Variants in PLPP4 observed in about 807,000 individuals in gnomAD.
The protein encoded by PLPP4 is diacylglycerol pyrophosphate like 2.
Under a neutral mutation model 32.2 loss-of-function variants are expected in PLPP4, and 20 were observed. The observed-to-expected ratio is 0.62, with a 90% CI of 0.44 to 0.90. The LOEUF (loss-of-function observed/expected upper bound fraction) is 0.90, where lower values mean the gene tolerates loss of function less well. PLPP4 is among the 40% of genes least tolerant of loss of function. The probability of loss-of-function intolerance (pLI) is 0.00; values close to 1 mark genes in which losing one functional copy is unlikely to be tolerated. For synonymous variants in PLPP4, 127 were observed against 133.0 expected (o/e 0.95, Z 0.31); for missense variants, 257 against 353.1 (o/e 0.73, Z 2.18).
chr10:120,457,639 C>A (rs1847851854), intron 1 of PLPP4, among the ~76,000 whole-genome samples: 1 of 152,194 alleles, frequency 6.6e-6, no homozygotes, highest in Admixed American at 6.5e-5. Context: ...CCCGCACCAC[C>A]TGCCCGGGGG....
chr10:120,486,764 C>G (rs575424392), intron 1 of PLPP4, among the ~76,000 whole-genome samples: 5 of 152,344 alleles, frequency 3.3e-5, no homozygotes, highest in Admixed American at 2.6e-4. Flanking sequence ...AGGCACAAGT[C>G]CTCTCTTGGG....
chr10:120,533,266 A>G (rs1487802757), intron 5 of PLPP4, among the ~76,000 whole-genome samples: 3 of 152,160 alleles, frequency 2.0e-5, no homozygotes, highest in Admixed American at 2.0e-4. Flanking sequence ...CTAATGACTA[A>G]TGAGGTTGAA....
chr10:120,486,256 A>C (rs906400149), intron 1 of PLPP4, among the ~76,000 whole-genome samples: 5 of 149,028 alleles, frequency 3.4e-5, no homozygotes, highest in African/African-American at 1.2e-4. Context: ...CTCCCATTTC[A>C]TTTAAGTTTT....
At chr10:120,505,328 G>A (rs1360601147) in intron 2 of PLPP4, among the ~76,000 whole-genome samples, 3 of 152,292 alleles carry the variant, frequency 2.0e-5, no homozygotes, top group Middle Eastern at 3.4e-3. Flanking sequence ...GAGAATTGGA[G>A]GATTACCATC....
chr10:120,532,215 T>G (rs2133939323), intron 5 of PLPP4, among the ~76,000 whole-genome samples: 1 of 152,274 alleles, frequency 6.6e-6, no homozygotes, highest in Middle Eastern at 3.4e-3. Flanking sequence ...TCCAGCTTCA[T>G]CCATGTCCCT....
At chr10:120,523,674 T>G (rs894244218) in intron 5 of PLPP4, among the ~76,000 whole-genome samples, 1 of 152,164 alleles carries the variant, frequency 6.6e-6, no homozygotes, top group Non-Finnish European at 1.5e-5. Context: ...CTTTCATTCC[T>G]CCCTTCTCCC....
intron 2 of PLPP4, among the ~76,000 whole-genome samples, chr10:120,506,294 A>G (rs1845487720): frequency 6.6e-6 from 1 of 152,228 alleles, no homozygotes; most frequent in Non-Finnish European, 1.5e-5. Context: ...CAGTAGATAC[A>G]TTTATAATAC....
intron 2 of PLPP4, among the ~76,000 whole-genome samples, chr10:120,509,775 G>T (rs759092449): frequency 1.3e-5 from 2 of 152,220 alleles, no homozygotes; most frequent in Non-Finnish European, 2.9e-5. Context: ...TCCATAACAC[G>T]TAGTAGGTGC....
intron 5 of PLPP4, among the ~76,000 whole-genome samples, chr10:120,527,226 CT>C (rs1408649500): frequency 5.3e-5 from 8 of 152,094 alleles, no homozygotes; most frequent in African/African-American, 1.7e-4. Context: ...AGTCTGAAAT[CT>C]ATAGGGCAGG....
chr10:120,487,677 C>T (rs1413716854), intron 1 of PLPP4, among the ~76,000 whole-genome samples: 1 of 152,064 alleles, frequency 6.6e-6, no homozygotes, highest in Non-Finnish European at 1.5e-5. Context: ...AGAAGGGGTG[C>T]TGAAACTTTT....
chr10:120,543,752 G>A lies in PLPP4; in HGVS notation c.445+22657G>A, dbSNP rs555733371. On this transcript the variant is annotated intron_variant, in intron 5 of 6. Transcript: ENST00000398250. ...CTTGCAGAACTAAAACTCTGTACCC[G>A]TTAAACACTGACTCCCCATTCCCCT... 2.5e-4 allele frequency among the ~76,000 whole-genome samples: 38 copies of A among 152,236 alleles called. 1 individual carries two copies. In the South Asian group the frequency reaches 5.2e-3, roughly 21 times the overall value.
chr10:120,479,608 A>G (rs1844106300), intron 1 of PLPP4, among the ~76,000 whole-genome samples: 2 of 152,220 alleles, frequency 1.3e-5, no homozygotes, highest in Admixed American at 6.5e-5. Context: ...GCTGTCCTGC[A>G]CTGCCTTCCC....
At chr10:120,491,899 A>G (rs1236824311) in intron 1 of PLPP4, among the ~76,000 whole-genome samples, 2 of 152,242 alleles carry the variant, frequency 1.3e-5, no homozygotes, top group East Asian at 3.8e-4. Context: ...TCCCATTACT[A>G]TTGTAATACC....
chr10:120,589,546 C>A lies in PLPP4; in HGVS notation c.*44C>A. The A allele has an allele frequency of 6.9e-7, 1 of 1,455,314 alleles. No homozygotes were observed. Among genetic ancestry groups the A allele is most frequent in the Non-Finnish European group, 9.6e-7 (1 of 1,042,962 alleles). 90.2% of individuals were successfully genotyped at this position (1,455,314 alleles called of 1,614,324 possible). ...GGACACTAAGCCCTGGGCACATCTG[C>A]CACCCTGACATCATAACACAATAGA... is the stretch of plus-strand genomic sequence containing the variant. On this transcript the variant is annotated 3_prime_UTR_variant, in exon 7 of 7. Transcript: ENST00000398250.
chr10:120,580,766 A>G (rs1034250079), intron 6 of PLPP4: 4 of 677,626 alleles, frequency 5.9e-6, no homozygotes, highest in Non-Finnish European at 6.5e-6. Context: ...GTGACTTGAA[A>G]AAGATCCCTT....
At chr10:120,587,058 C>CA (rs1196328062) in intron 6 of PLPP4, among the ~76,000 whole-genome samples, 1 of 152,006 alleles carries the variant, frequency 6.6e-6, no homozygotes, top group East Asian at 1.9e-4. Context: ...TAGGGGAAGG[C>CA]ATGAGGAGAA....
In PLPP4 at chr10:120,521,154, T is replaced by C. The variant is rs1363966242; in HGVS notation, c.445+59T>C. On this transcript the variant is annotated intron_variant, in intron 5 of 6. Coordinates refer to ENST00000398250, the MANE Select transcript of PLPP4 (RefSeq NM_001030059.3). Reference sequence around the variant, plus strand: ...CAGTCATGTTTCCTGCTCACTGTCTTTGGGAATTTAGGTGCAGAGAAAAGC... The same window carrying C: ...CAGTCATGTTTCCTGCTCACTGTCTCTGGGAATTTAGGTGCAGAGAAAAGC... The C allele has an allele frequency of 1.9e-6, 3 of 1,593,076 alleles. No individual in the cohort carries two copies. In the African/African-American group the frequency reaches 4.0e-5, roughly 21 times the overall value.
intron 5 of PLPP4, among the ~76,000 whole-genome samples, chr10:120,531,730 A>G (rs1406076996): frequency 6.6e-6 from 1 of 152,122 alleles, no homozygotes; most frequent in Non-Finnish European, 1.5e-5. Context: ...AAAAATTAAT[A>G]GACTGTATAA....
intron 1 of PLPP4, among the ~76,000 whole-genome samples, chr10:120,483,715 G>C (rs755872281): frequency 1.3e-5 from 2 of 152,170 alleles, no homozygotes; most frequent in Non-Finnish European, 2.9e-5. Context: ...CTTGGGGATG[G>C]GGTGAGTTCT....
Sources: gnomAD v4.1 joint callset for allele counts (sites outside exome capture counted in the v4.1 genomes callset) on GRCh38, gnomAD v4.1.1 for gene constraint, MANE v1.5 for transcripts, NCBI Gene and HGNC (gene_info 2026-07-23, HGNC 2026-07-21) for gene names.